Variants in CACNA2D3 observed in about 807,000 individuals in gnomAD.
CACNA2D3 encodes the protein calcium voltage-gated channel auxiliary subunit alpha2delta 3.
CACNA2D3 carries 60 observed loss-of-function variants against 160.6 expected under a neutral mutation model. The ratio of observed to expected loss-of-function variants is 0.37; its 90% CI spans 0.30 to 0.46. The LOEUF (loss-of-function observed/expected upper bound fraction) is 0.46, where lower values mean the gene tolerates loss of function less well. Ranked by LOEUF, CACNA2D3 falls within the 20% of genes least tolerant of loss-of-function variation. CACNA2D3 has a pLI of 1.00. For synonymous variants in CACNA2D3, 558 were observed against 492.9 expected (o/e 1.13, Z -1.75); for missense variants, 1,205 against 1,365.0 (o/e 0.88, Z 1.85).
At chr3:54,878,315 A>G (rs964586289) in intron 18 of CACNA2D3, among the ~76,000 whole-genome samples, 1 of 152,040 alleles carries the variant, frequency 6.6e-6, no homozygotes, top group African/African-American at 2.4e-5. Context: ...CCATGACGGC[A>G]CATCTTTCAT....
At chr3:54,671,975 G>T (rs1451910338) in intron 11 of CACNA2D3, among the ~76,000 whole-genome samples, 1 of 152,184 alleles carries the variant, frequency 6.6e-6, no homozygotes, top group Non-Finnish European at 1.5e-5. Flanking sequence ...CTCTGCCAAG[G>T]GAAAGAGTCT....
In CACNA2D3 at chr3:54,679,533, G is replaced by A. The variant is rs1057074836; in HGVS notation, c.1167+37292G>A. Among the ~76,000 whole-genome samples the A allele has an allele frequency of 2.0e-4, 30 of 152,224 alleles. 1 individual carries two copies. Among genetic ancestry groups the A allele is most frequent in the Admixed American group, 7.8e-4 (12 of 15,290 alleles). On this transcript the variant is annotated intron_variant, in intron 11 of 37. Transcript: ENST00000474759. ...AGCTGCTTGCAGTTTTCCAGATTGT[G>A]GTAGGCCTCCATTCTTTGTGCAATG... is the stretch of plus-strand genomic sequence containing the variant.
chr3:54,879,168 G>T, intron 19 of CACNA2D3, 79 bp downstream of exon 19: 3 of 994,196 alleles, frequency 3.0e-6, no homozygotes, highest in South Asian at 1.6e-5. Context: ...GCTATATCTG[G>T]AATAAATATC....
At chr3:54,381,316 A>T (rs994481372) in intron 3 of CACNA2D3, among the ~76,000 whole-genome samples, 1 of 152,054 alleles carries the variant, frequency 6.6e-6, no homozygotes, top group Non-Finnish European at 1.5e-5. Context: ...TTTTTATTTG[A>T]AATTTTCTTT....
intron 3 of CACNA2D3, among the ~76,000 whole-genome samples, chr3:54,330,684 G>A (rs766446063): frequency 2.6e-5 from 4 of 152,238 alleles, no homozygotes; most frequent in Admixed American, 6.5e-5. Flanking sequence ...TCAGACTGGA[G>A]CACAGTCAGA....
chr3:54,427,528 G>T (rs1038420331), intron 4 of CACNA2D3, among the ~76,000 whole-genome samples: 1 of 152,132 alleles, frequency 6.6e-6, no homozygotes, highest in Non-Finnish European at 1.5e-5. Flanking sequence ...TAGGCAAATG[G>T]TAGGATCTCC....
At chr3:54,342,368 C>T (rs1473049193) in intron 3 of CACNA2D3, among the ~76,000 whole-genome samples, 3 of 152,110 alleles carry the variant, frequency 2.0e-5, no homozygotes, top group South Asian at 4.1e-4. Context: ...AAAAGCAGTC[C>T]TATGAGGCAG....
chr3:54,258,501 G>T (rs1180432780), intron 2 of CACNA2D3, among the ~76,000 whole-genome samples: 2 of 152,344 alleles, frequency 1.3e-5, no homozygotes, highest in Admixed American at 1.3e-4. Flanking sequence ...TGATGTTGGA[G>T]AATGAAGTTC....
intron 2 of CACNA2D3, among the ~76,000 whole-genome samples, chr3:54,296,695 T>A (rs1040001323): frequency 1.3e-5 from 2 of 152,228 alleles, no homozygotes; most frequent in African/African-American, 4.8e-5. Context: ...GTTTGAATAA[T>A]GATCCCTGGC....
In CACNA2D3 at chr3:54,512,285, A is replaced by G. The variant is rs113520825; in HGVS notation, c.544+8631A>G. Among the ~76,000 whole-genome samples the G allele has an allele frequency of 3.8e-3, 578 of 152,348 alleles. 5 individuals carry two copies. The highest frequency in any genetic ancestry group is 0.013 in the African/African-American group (543 of 41,580). ...TTGACCCTACTCCCACAAAAGGCTC[A>G]GACCATGCTTCTTGCTTATCTGTGC... On this transcript the variant is annotated intron_variant, in intron 5 of 37. Coordinates refer to ENST00000474759, the MANE Select transcript of CACNA2D3 (RefSeq NM_018398.3).
chr3:54,881,935 G>T (rs932188842), intron 21 of CACNA2D3, among the ~76,000 whole-genome samples: 1 of 152,176 alleles, frequency 6.6e-6, no homozygotes, highest in Non-Finnish European at 1.5e-5. Context: ...GTCCCTGCCC[G>T]TGTTGTTTCA....
At chr3:54,576,170 C>A (rs527899734) in intron 8 of CACNA2D3, among the ~76,000 whole-genome samples, 1 of 152,158 alleles carries the variant, frequency 6.6e-6, no homozygotes, top group Non-Finnish European at 1.5e-5. Context: ...TGACTGATAA[C>A]CTTCTGTTAG....
At chr3:54,474,816 G>T (rs1021436839) in intron 4 of CACNA2D3, among the ~76,000 whole-genome samples, 1 of 151,968 alleles carries the variant, frequency 6.6e-6, no homozygotes, top group Non-Finnish European at 1.5e-5. Flanking sequence ...TTGAGTTCTC[G>T]GATATACACT....
chr3:54,945,742 C>A (rs1701595960), intron 27 of CACNA2D3, among the ~76,000 whole-genome samples: 1 of 152,112 alleles, frequency 6.6e-6, no homozygotes, highest in African/African-American at 2.4e-5. Context: ...GGCAGCCTTG[C>A]TTTTTTCAAG....
At chr3:54,259,216 G>A (rs1702358521) in intron 2 of CACNA2D3, among the ~76,000 whole-genome samples, 1 of 152,192 alleles carries the variant, frequency 6.6e-6, no homozygotes, top group Admixed American at 6.5e-5. Context: ...TAGTGGGAAA[G>A]ATGTTATTTC....
rs1559897068 is a variant in CACNA2D3, at chr3:54,253,364, C to T, written c.205-67078C>T. On this transcript the variant is annotated intron_variant, in intron 2 of 37. Coordinates refer to ENST00000474759, the MANE Select transcript of CACNA2D3 (RefSeq NM_018398.3). ...GATTCTGCTTGGCTTCTGGGGAGGCCTCAGGAAATTTACAGTCATGGCAGA... is the reference window on the plus strand; with the variant it reads ...GATTCTGCTTGGCTTCTGGGGAGGCTTCAGGAAATTTACAGTCATGGCAGA... 9.2e-5 allele frequency among the ~76,000 whole-genome samples: 14 copies of T among 152,120 alleles called. No homozygotes were observed. In the South Asian group the frequency reaches 2.9e-3, roughly 32 times the overall value.
At chr3:54,266,156 T>C (rs1702512952) in intron 2 of CACNA2D3, among the ~76,000 whole-genome samples, 1 of 152,180 alleles carries the variant, frequency 6.6e-6, no homozygotes, top group Non-Finnish European at 1.5e-5. Flanking sequence ...AAATGCCTGG[T>C]TTGGCCTGAG....
At chr3:54,144,201 A>T (rs1699983964) in intron 2 of CACNA2D3, among the ~76,000 whole-genome samples, 1 of 152,218 alleles carries the variant, frequency 6.6e-6, no homozygotes, top group Admixed American at 6.5e-5. Flanking sequence ...CCTATTACTC[A>T]TCATTTTCCG....
At chr3:54,483,804 TA>T (rs1700971777) in intron 4 of CACNA2D3, among the ~76,000 whole-genome samples, 1 of 152,226 alleles carries the variant, frequency 6.6e-6, no homozygotes, top group Non-Finnish European at 1.5e-5. Context: ...TAACTTATTG[TA>T]ATTCAGATAA....
Sources: allele counts gnomAD v4.1 joint callset (sites outside exome capture counted in the v4.1 genomes callset), GRCh38; gene constraint gnomAD v4.1.1; transcripts MANE v1.5; gene names NCBI Gene and HGNC (gene_info 2026-07-23, HGNC 2026-07-21).